Variants in PSD3 observed in about 807,000 individuals in gnomAD.
PSD3 encodes the protein PH and SEC7 domain-containing protein 3.
A neutral mutation model predicts 105.5 loss-of-function variants in PSD3; 49 were observed. The ratio of observed to expected loss-of-function variants is 0.46; its 90% CI spans 0.37 to 0.59. The LOEUF (loss-of-function observed/expected upper bound fraction) is 0.59. Among genes scored for constraint, PSD3 ranks in the 20% least tolerant of loss-of-function variants. PSD3 has a pLI of 0.00. For missense variants in PSD3, 1,561 were observed against 1,263.8 expected (o/e 1.24, Z -3.57); for synonymous variants, 557 against 457.8 (o/e 1.22, Z -2.77).
chr8:18,684,118 G>A (rs1332949805), intron 9 of PSD3: 8 of 522,198 alleles, frequency 1.5e-5, no homozygotes, highest in Non-Finnish European at 1.4e-5. Context: ...TGTTTGCAGC[G>A]AGTCTGATTG....
intron 9 of PSD3, among the ~76,000 whole-genome samples, chr8:18,722,893 G>A (rs993134574): frequency 5.3e-5 from 8 of 152,060 alleles, no homozygotes; most frequent in African/African-American, 1.2e-4. Flanking sequence ...CCCGTTATGC[G>A]AACCCCACAA....
intron 9 of PSD3, among the ~76,000 whole-genome samples, chr8:18,750,746 G>C (rs910213374): frequency 3.3e-5 from 5 of 152,020 alleles, no homozygotes; most frequent in Non-Finnish European, 7.4e-5. Flanking sequence ...GTCCCCATCA[G>C]ATTAGTTAGA....
intron 4 of PSD3, among the ~76,000 whole-genome samples, chr8:18,853,283 A>C (rs931554524): frequency 1.4e-4 from 21 of 152,202 alleles, no homozygotes; most frequent in Non-Finnish European, 2.2e-4. Context: ...CAATGTTACC[A>C]ATGCATACCC....
intron 15 of PSD3, among the ~76,000 whole-genome samples, chr8:18,538,837 C>A (rs907758878): frequency 1.3e-5 from 2 of 152,072 alleles, no homozygotes; most frequent in African/African-American, 4.8e-5. Context: ...GTGTGTCAAT[C>A]AACAAACAAA....
chr8:18,612,971 C>T (rs1050662169), intron 11 of PSD3, among the ~76,000 whole-genome samples: 6 of 152,056 alleles, frequency 3.9e-5, no homozygotes, highest in South Asian at 2.1e-4. Flanking sequence ...CATTACTAGA[C>T]GTGCAGGAAG....
At position 18,843,915 on chromosome 8, in the gene PSD3, AT is replaced by A. The variant is rs10578700; in HGVS notation, c.1634+23758del. On this transcript the variant is annotated intron_variant, in intron 4 of 15. Coordinates refer to ENST00000327040, the MANE Select transcript of PSD3 (RefSeq NM_015310.4). Reference sequence around the variant, plus strand: ...CTATAACCACTTTATAAGATAGACTATTTTTTTTTTTTTTTTTTTACCCAAG... The same window carrying A: ...CTATAACCACTTTATAAGATAGACTATTTTTTTTTTTTTTTTTTACCCAAG... Among the ~76,000 whole-genome samples, 660 of 141,696 alleles carry A rather than the reference AT, an allele frequency of 4.7e-3. 6 individuals are homozygous for A. The highest frequency in any genetic ancestry group is 0.012 in the East Asian group (56 of 4,670). The allele number at this position is 141,696 out of a possible 152,430, so 93.0% of individuals were successfully genotyped here. A position where few individuals can be genotyped will look rare whatever the true frequency, so the allele number is the denominator to read the frequency against.
chr8:18,752,501 A>ATATAAT, intron 9 of PSD3, among the ~76,000 whole-genome samples: 1 of 88,640 alleles, frequency 1.1e-5, no homozygotes, highest in Non-Finnish European at 1.9e-5. Flanking sequence ...TAATATATAT[A>ATATAAT]ATATATATAA....
chr8:18,781,847 C>T (rs937007081), intron 8 of PSD3, among the ~76,000 whole-genome samples: 5 of 152,052 alleles, frequency 3.3e-5, no homozygotes, highest in African/African-American at 9.7e-5. Context: ...TCCACTATTT[C>T]GTCATTGTAT....
chr8:18,715,795 TC>T (rs1475546915), intron 9 of PSD3, among the ~76,000 whole-genome samples: 1 of 152,112 alleles, frequency 6.6e-6, no homozygotes, highest in Non-Finnish European at 1.5e-5. Flanking sequence ...ACTCCAACCC[TC>T]CAGGCAGCTA....
chr8:18,602,453 A>G lies in PSD3; in HGVS notation c.2411-2019T>C, dbSNP rs7004098. ...CTTTTCTATTTCCCACAGAAGTATA[A>G]AACTTAACCTTATCTTTGGCCAGTT... On this transcript the variant is annotated intron_variant, in intron 11 of 15. Transcript: ENST00000327040. 5.0e-3 allele frequency among the ~76,000 whole-genome samples: 762 copies of G among 152,122 alleles called. 11 individuals are homozygous for G. Among genetic ancestry groups the G allele is most frequent in the African/African-American group, 0.018 (727 of 41,488 alleles).
At chr8:18,579,271 G>C (rs1204302067) in intron 12 of PSD3, among the ~76,000 whole-genome samples, 1 of 152,066 alleles carries the variant, frequency 6.6e-6, no homozygotes, top group Non-Finnish European at 1.5e-5. Context: ...GTAGAATTGG[G>C]CAGGAAGAAA....
intron 2 of PSD3, among the ~76,000 whole-genome samples, chr8:18,890,625 G>A (rs1818726759): frequency 6.6e-6 from 1 of 152,028 alleles, no homozygotes; most frequent in Admixed American, 6.6e-5. Flanking sequence ...CAGTATAAAA[G>A]GTTTGTATGC....
intron 15 of PSD3, among the ~76,000 whole-genome samples, chr8:18,552,297 A>G (rs1367388836): frequency 6.6e-6 from 1 of 152,236 alleles, no homozygotes; most frequent in Non-Finnish European, 1.5e-5. Context: ...TTTAAGGAGT[A>G]TGTTAACATC....
chr8:18,959,832 G>A (rs1365947548), intron 1 of PSD3, among the ~76,000 whole-genome samples: 3 of 152,196 alleles, frequency 2.0e-5, no homozygotes, highest in Non-Finnish European at 4.4e-5. Context: ...GCTCTGAACA[G>A]AGAGGCCCTG....
chr8:18,933,593 G>A (rs1432471188), intron 2 of PSD3, among the ~76,000 whole-genome samples: 5 of 152,076 alleles, frequency 3.3e-5, no homozygotes, highest in Admixed American at 6.6e-5. Context: ...TCAGCCTCCC[G>A]AGTAGCTAGA....
intron 2 of PSD3, among the ~76,000 whole-genome samples, chr8:18,888,135 T>C (rs1052805790): frequency 1.3e-5 from 2 of 152,132 alleles, no homozygotes; most frequent in Admixed American, 6.5e-5. Context: ...AAGAATATAA[T>C]TTTCAGGATT....
At chr8:18,540,069 C>T (rs1328701616) in intron 15 of PSD3, among the ~76,000 whole-genome samples, 1 of 152,122 alleles carries the variant, frequency 6.6e-6, no homozygotes, top group African/African-American at 2.4e-5. Context: ...TTAAAGCAGG[C>T]GTGATGACCC....
At chr8:18,593,349 T>C (rs1803755629) in intron 12 of PSD3, among the ~76,000 whole-genome samples, 1 of 152,190 alleles carries the variant, frequency 6.6e-6, no homozygotes, top group South Asian at 2.1e-4. Context: ...AAGACATTTA[T>C]GCAGCCAACA....
chr8:18,805,026 A>C, intron 4 of PSD3, 128 bp from the exon 5 acceptor site: 1 of 813,686 alleles, frequency 1.2e-6, no homozygotes, highest in Non-Finnish European at 1.8e-6. Context: ...GTATGTTTAA[A>C]TATTCATAAA....
Sources: gnomAD v4.1 joint callset for allele counts (sites outside exome capture counted in the v4.1 genomes callset) on GRCh38, gnomAD v4.1.1 for gene constraint, MANE v1.5 for transcripts, NCBI Gene and HGNC (gene_info 2026-07-23, HGNC 2026-07-21) for gene names.